Variants in PDGFD observed in about 807,000 individuals in gnomAD.
PDGFD encodes the protein platelet-derived growth factor D.
A neutral mutation model predicts 44.7 loss-of-function variants in PDGFD; 30 were observed. The ratio of observed to expected loss-of-function variants is 0.67; its 90% CI spans 0.50 to 0.91. The LOEUF (loss-of-function observed/expected upper bound fraction) is 0.91. PDGFD is among the 40% of genes least tolerant of loss of function. The probability of loss-of-function intolerance (pLI) is 0.00; values close to 1 mark genes in which losing one functional copy is unlikely to be tolerated. For missense variants in PDGFD, 445 were observed against 457.8 expected (o/e 0.97, Z 0.25); for synonymous variants, 173 against 168.4 (o/e 1.03, Z -0.21).
chr11:104,142,871 G>A (rs542086069), intron 1 of PDGFD, among the ~76,000 whole-genome samples: 5 of 152,290 alleles, frequency 3.3e-5, no homozygotes, highest in African/African-American at 1.2e-4. Flanking sequence ...GTCCGCGAAG[G>A]TTTCAAAGCC....
rs75311350 is a variant in PDGFD at position 104,048,617 on chromosome 11, C to T, written c.125-48362G>A. ...TAAGTCACCTCTTTTTCCTGACAGA[C>T]TAACCTTTGCTACTGATACAGGCCA... On this transcript the variant is annotated intron_variant, in intron 1 of 6. Transcript: ENST00000393158. 7.5e-3 allele frequency among the ~76,000 whole-genome samples: 1,135 copies of T among 152,258 alleles called. 6 individuals carry two copies. The highest frequency in any genetic ancestry group is 0.025 in the African/African-American group (1,019 of 41,532).
At chr11:103,970,669 G>A (rs551534600) in intron 3 of PDGFD, among the ~76,000 whole-genome samples, 66 of 152,198 alleles carry the variant, frequency 4.3e-4, no homozygotes, top group Non-Finnish European at 8.2e-4. Context: ...TTAAGTACTT[G>A]ATGTACAGTA....
At chr11:104,002,412 G>C (rs1859633885) in intron 1 of PDGFD, among the ~76,000 whole-genome samples, 2 of 152,078 alleles carry the variant, frequency 1.3e-5, no homozygotes, top group South Asian at 4.1e-4. Context: ...TTAAAAGTGT[G>C]GCGGTCCCCT....
At chr11:104,156,294 G>T (rs1457222123) in intron 1 of PDGFD, among the ~76,000 whole-genome samples, 3 of 152,236 alleles carry the variant, frequency 2.0e-5, no homozygotes, top group Middle Eastern at 3.4e-3. Flanking sequence ...GGTTGAAGCT[G>T]CAGTAAGCCT....
chr11:104,024,912 C>T (rs535706510), intron 1 of PDGFD, among the ~76,000 whole-genome samples: 1 of 152,320 alleles, frequency 6.6e-6, no homozygotes, highest in African/African-American at 2.4e-5. Flanking sequence ...TCCTCCCAAG[C>T]TATATTGCTC....
intron 1 of PDGFD, among the ~76,000 whole-genome samples, chr11:104,148,129 G>A (rs1289578349): frequency 6.6e-6 from 1 of 152,028 alleles, no homozygotes; most frequent in Admixed American, 6.6e-5. Context: ...ATGACTATAA[G>A]TTTTTTTAAC....
At chr11:103,936,179 T>TA (rs1858485241) in intron 5 of PDGFD, among the ~76,000 whole-genome samples, 1 of 152,218 alleles carries the variant, frequency 6.6e-6, no homozygotes, top group Admixed American at 6.5e-5. Context: ...TAATGTCTAT[T>TA]ATCTACTGAT....
chr11:104,101,847 A>C lies in PDGFD; in HGVS notation c.124+61957T>G, dbSNP rs183092647. Among the ~76,000 whole-genome samples the C allele has an allele frequency of 5.0e-3, 764 of 152,114 alleles. 19 individuals are homozygous for C. The highest frequency in any genetic ancestry group is 0.017 in the African/African-American group (701 of 41,372). ...GGGGAAAGGATTTCCTATTTAATAAATGGTCCTGGGAAAACTGGCTAGCCA... is the reference window on the plus strand; with the variant it reads ...GGGGAAAGGATTTCCTATTTAATAACTGGTCCTGGGAAAACTGGCTAGCCA... On this transcript the variant is annotated intron_variant, in intron 1 of 6. Transcript: ENST00000393158.
At chr11:104,089,705 C>T (rs1861183173) in intron 1 of PDGFD, among the ~76,000 whole-genome samples, 1 of 152,034 alleles carries the variant, frequency 6.6e-6, no homozygotes, top group South Asian at 2.1e-4. Flanking sequence ...AGAAAAGCAC[C>T]CAGACTTGAA....
chr11:103,935,712 G>C (rs1858478221), intron 5 of PDGFD, among the ~76,000 whole-genome samples: 1 of 152,128 alleles, frequency 6.6e-6, no homozygotes, highest in African/African-American at 2.4e-5. Context: ...GAAATATCTT[G>C]GTTCTGTGCA....
chr11:104,130,437 T>G (rs1647927821), intron 1 of PDGFD, among the ~76,000 whole-genome samples: 1 of 151,996 alleles, frequency 6.6e-6, no homozygotes, highest in Non-Finnish European at 1.5e-5. Context: ...GCAGCAGAAA[T>G]AACTCCAGGT....
chr11:104,032,230 T>C, intron 1 of PDGFD, among the ~76,000 whole-genome samples: 1 of 151,970 alleles, frequency 6.6e-6, no homozygotes, highest in East Asian at 1.9e-4. Context: ...TAAATAACTA[T>C]CCAAAGAAAT....
At chr11:104,134,373 T>G (rs1861969715) in intron 1 of PDGFD, among the ~76,000 whole-genome samples, 1 of 152,136 alleles carries the variant, frequency 6.6e-6, no homozygotes, top group African/African-American at 2.4e-5. Flanking sequence ...AGTATACTAT[T>G]AAAGGAAATT....
chr11:103,914,349 T>C (rs1858079968), intron 6 of PDGFD, among the ~76,000 whole-genome samples: 1 of 152,050 alleles, frequency 6.6e-6, no homozygotes, highest in Non-Finnish European at 1.5e-5. Context: ...CATGATCCCT[T>C]TGGCCTTTTT....
Position 104,016,344 on chromosome 11 carries a change from AAGGCCAAAG to A in PDGFD, c.125-16098_125-16090del, listed in dbSNP as rs546277127. ...ATCTCTCCCTCGCAGGGTTGGATTC[AAGGCCAAAG>A]AAAAGGCCTTTCTTGACATATTTCT... On this transcript the variant is annotated intron_variant, in intron 1 of 6. Transcript: ENST00000393158. Among the ~76,000 whole-genome samples, 502 of 152,356 alleles carry A rather than the reference AAGGCCAAAG, an allele frequency of 3.3e-3. 2 individuals carry two copies. The highest frequency in any genetic ancestry group is 0.012 in the African/African-American group (479 of 41,572).
intron 1 of PDGFD, among the ~76,000 whole-genome samples, chr11:104,099,139 T>C (rs1046470876): frequency 1.3e-5 from 2 of 152,160 alleles, no homozygotes; most frequent in African/African-American, 4.8e-5. Flanking sequence ...TCAATTAATT[T>C]GAGCAATCAC....
At chr11:103,955,856 T>A (rs1858835998) in intron 3 of PDGFD, among the ~76,000 whole-genome samples, 1 of 152,090 alleles carries the variant, frequency 6.6e-6, no homozygotes, top group African/African-American at 2.4e-5. Flanking sequence ...GATTTAAGAG[T>A]TAATTTTATA....
At position 104,145,373 on chromosome 11, in the gene PDGFD, T is replaced by C. The variant is rs571946820; in HGVS notation, c.124+18431A>G. 5.9e-5 allele frequency among the ~76,000 whole-genome samples: 9 copies of C among 152,372 alleles called. No homozygotes were observed. In the East Asian group the frequency reaches 1.4e-3, roughly 23 times the overall value. On this transcript the variant is annotated intron_variant, in intron 1 of 6. Coordinates refer to ENST00000393158, the MANE Select transcript of PDGFD (RefSeq NM_025208.5). ...ACATTTGAAAGCCTATTATGTGACA[T>C]AGTTGAAACAGTACTGGATTGATTA...
At chr11:104,127,798 G>A (rs1190859700) in intron 1 of PDGFD, among the ~76,000 whole-genome samples, 1 of 152,094 alleles carries the variant, frequency 6.6e-6, no homozygotes, top group Non-Finnish European at 1.5e-5. Flanking sequence ...TGATAAGTAA[G>A]GTAACACCCA....
Sources: gnomAD v4.1 joint callset for allele counts (sites outside exome capture counted in the v4.1 genomes callset) on GRCh38, gnomAD v4.1.1 for gene constraint, MANE v1.5 for transcripts, NCBI Gene and HGNC (gene_info 2026-07-23, HGNC 2026-07-21) for gene names.